The following HHIP variants were observed in gnomAD, a reference collection of about 807,000 sequenced individuals.
The protein encoded by HHIP is hedgehog interacting protein.
In HHIP, 12 loss-of-function variants were observed where a neutral mutation model predicts 74.0. The observed-to-expected ratio is 0.16, with a 90% confidence interval of 0.10 to 0.26. The LOEUF (loss-of-function observed/expected upper bound fraction) is 0.26. Ranked by LOEUF, HHIP falls within the 10% of genes least tolerant of loss-of-function variation. The pLI is 1.00. For synonymous variants in HHIP, 309 were observed against 311.6 expected, an observed-to-expected ratio of 0.99 and a Z score of 0.09; for missense variants, 788 against 845.0, an observed-to-expected ratio of 0.93 and a Z score of 0.84.
intron 6 of HHIP, among the ~76,000 whole-genome samples, chr4:144,707,524 A>G (rs924707041): frequency 1.3e-5 from 2 of 152,078 alleles, no homozygotes; most frequent in Non-Finnish European, 2.9e-5. Flanking sequence ...ACTGAGAAGC[A>G]GTGGCCCTGT....
At chr4:144,711,822 G>A in intron 7 of HHIP, 128 bp from the exon 8 acceptor site, 1 of 779,208 alleles carries the variant, frequency 1.3e-6, no homozygotes, top group Non-Finnish European at 2.0e-6. Flanking sequence ...CTTTCTAGAA[G>A]ATCCAAACTA....
intron 9 of HHIP, chr4:144,715,060 T>G (rs993521926): frequency 2.7e-6 from 1 of 365,384 alleles, no homozygotes; most frequent in Non-Finnish European, 5.2e-6. Context: ...GGGGAGGGCT[T>G]TTCTCATACT....
Position 144,715,328 on chromosome 4 carries a change from G to C in HHIP, c.1576G>C (p.Val526Leu), listed in dbSNP as rs780939158. The C allele has an allele frequency of 6.2e-7, 1 of 1,613,356 alleles. No homozygotes were observed. The highest frequency in any genetic ancestry group is 2.2e-5 in the East Asian group (1 of 44,848). ...TTTCCTAACTCTCCAGCAAAGTCCT[G>C]TGACAAAGCAGTGGCAAGAAAAACC... ...GNFLTLQQSP[V>L]TKQWQEKPLC... The change falls in exon 10 of 13, where the codon GTG becomes CTG. Residue 526 changes from valine (V) to leucine (L), a missense_variant. Val to Leu is a conservative substitution (Grantham distance 32). Coordinates refer to ENST00000296575, the MANE Select transcript of HHIP (RefSeq NM_022475.3).
intron 4 of HHIP, among the ~76,000 whole-genome samples, chr4:144,689,424 T>C (rs1490981139): frequency 1.3e-5 from 2 of 152,226 alleles, no homozygotes; most frequent in Non-Finnish European, 2.9e-5. Context: ...CGCTTAATAC[T>C]TTGCCTGATG....
intron 4 of HHIP, among the ~76,000 whole-genome samples, chr4:144,705,028 A>G (rs1253988477): frequency 6.6e-6 from 1 of 152,218 alleles, no homozygotes; most frequent in Non-Finnish European, 1.5e-5. Context: ...AATTAAAATT[A>G]TGCATATTGT....
At chr4:144,674,789 T>G (rs1386881959) in intron 4 of HHIP, among the ~76,000 whole-genome samples, 1 of 152,162 alleles carries the variant, frequency 6.6e-6, no homozygotes, top group Non-Finnish European at 1.5e-5. Flanking sequence ...CACTTAATCA[T>G]GCTTCTTAAA....
chr4:144,729,574 A>G (rs962913184), intron 11 of HHIP, among the ~76,000 whole-genome samples: 2 of 152,218 alleles, frequency 1.3e-5, no homozygotes, highest in African/African-American at 2.4e-5. Context: ...GAGATTCTGC[A>G]TTCTGTGGAA....
At chr4:144,666,211 G>T (rs1452875908) in intron 4 of HHIP, among the ~76,000 whole-genome samples, 1 of 151,632 alleles carries the variant, frequency 6.6e-6, no homozygotes, top group Middle Eastern at 3.2e-3. Flanking sequence ...CTTTGGTACA[G>T]AATTCCCTTT....
intron 4 of HHIP, among the ~76,000 whole-genome samples, chr4:144,701,592 T>C (rs1357714570): frequency 1.3e-5 from 2 of 152,154 alleles, no homozygotes; most frequent in Non-Finnish European, 2.9e-5. Flanking sequence ...TTCTTATTGA[T>C]TGTTTATCCC....
chr4:144,737,844 C>T lies in HHIP; in HGVS notation c.1990C>T (p.Pro664Ser). ...KCLCKKGYLG[P>S]QCEQVDRNIR... is the part of the protein sequence containing the mutation. ...CCTCTGTAAAAAAGGATATCTTGGT[C>T]CTCAATGTGAACAAGTGGACAGAAA... The change falls in exon 13 of 13, where the codon CCT becomes TCT. Residue 664 changes from proline (P) to serine (S), a missense_variant. Around this residue, in one of 3 missense-constraint regions of HHIP, gnomAD observed 343 missense variants for 347.9 expected, o/e 0.99. Transcript: ENST00000296575. 1 of 1,613,916 alleles carries T rather than the reference C, an allele frequency of 6.2e-7. No individual in the cohort carries two copies. The highest frequency in any genetic ancestry group is 8.5e-7 in the Non-Finnish European group (1 of 1,179,848).
In HHIP at chr4:144,646,460, C is replaced by T; in HGVS notation, c.-216C>T. On this transcript the variant is annotated 5_prime_UTR_variant, in exon 1 of 13. Coordinates refer to ENST00000296575, the MANE Select transcript of HHIP (RefSeq NM_022475.3). ...TCATCCGCACAACTTTATCTCGCTC[C>T]TCGGGCTCCCCTAAGGCATTGGACC... 4 of 503,584 alleles carry T rather than the reference C, an allele frequency of 7.9e-6. No individual in the cohort carries two copies. Among genetic ancestry groups the T allele is most frequent in the South Asian group, 3.5e-5 (1 of 28,542 alleles). 31.2% of individuals were successfully genotyped at this position (503,584 alleles called of 1,614,324 possible).
chr4:144,721,320 CAAT>C (rs1250093739), intron 11 of HHIP, among the ~76,000 whole-genome samples: 6 of 152,024 alleles, frequency 3.9e-5, no homozygotes, highest in South Asian at 4.1e-4. Flanking sequence ...CACACACACA[CAAT>C]GAGGGAGTTT....
intron 4 of HHIP, among the ~76,000 whole-genome samples, chr4:144,697,154 A>T (rs983460624): frequency 6.6e-6 from 1 of 152,034 alleles, no homozygotes; most frequent in African/African-American, 2.4e-5. Flanking sequence ...TCCCAAGAAT[A>T]TTCTTATAGT....
At chr4:144,700,363 A>G (rs1170078161) in intron 4 of HHIP, among the ~76,000 whole-genome samples, 1 of 152,200 alleles carries the variant, frequency 6.6e-6, no homozygotes, top group African/African-American at 2.4e-5. Flanking sequence ...CTTTTTCAGA[A>G]ACCGATTAAA....
At chr4:144,734,694 T>C in intron 11 of HHIP, 47 bp from the exon 12 acceptor site, 2 of 1,418,464 alleles carry the variant, frequency 1.4e-6, no homozygotes, top group Non-Finnish European at 1.9e-6. Context: ...CATTCCACTG[T>C]TGATTTTCAA....
chr4:144,673,725 T>C (rs1729104679), intron 4 of HHIP, among the ~76,000 whole-genome samples: 1 of 152,238 alleles, frequency 6.6e-6, no homozygotes, highest in Admixed American at 6.5e-5. Context: ...AGGGAATTTC[T>C]AACCTTTTAA....
chr4:144,665,086 T>G (rs2036431140), intron 4 of HHIP, among the ~76,000 whole-genome samples: 1 of 152,230 alleles, frequency 6.6e-6, no homozygotes, highest in Admixed American at 6.5e-5. Flanking sequence ...GTTTGTTCAT[T>G]TTTTGAGACA....
intron 11 of HHIP, among the ~76,000 whole-genome samples, chr4:144,719,750 G>A (rs1373217453): frequency 6.6e-6 from 1 of 152,164 alleles, no homozygotes; most frequent in Non-Finnish European, 1.5e-5. Context: ...AGACACGACT[G>A]TTGTTGAGCA....
intron 4 of HHIP, among the ~76,000 whole-genome samples, chr4:144,679,506 G>A (rs1231546288): frequency 1.3e-5 from 2 of 152,032 alleles, no homozygotes; most frequent in African/African-American, 4.8e-5. Flanking sequence ...GCAGTTTTAG[G>A]TCTTACATTT....
Sources: gnomAD v4.1 joint callset for allele counts (sites outside exome capture counted in the v4.1 genomes callset) on GRCh38, gnomAD v4.1.1 for gene constraint, gnomAD v4.1.1 regional missense constraint, MANE v1.5 for transcripts, NCBI Gene and HGNC (gene_info 2026-07-23, HGNC 2026-07-21) for gene names.